JAK1: variants seen among roughly 807,000 people sequenced by gnomAD.
JAK1 encodes the protein tyrosine-protein kinase JAK1.
A neutral mutation model predicts 136.6 loss-of-function variants in JAK1; 16 were observed. The observed-to-expected ratio is 0.12, with a 90% CI of 0.08 to 0.18. The LOEUF is 0.18. Among genes scored for constraint, JAK1 ranks in the 10% least tolerant of loss-of-function variants. JAK1 has a pLI of 1.00. For missense variants in JAK1, 859 were observed against 1,450.1 expected (o/e 0.59, Z 6.62); for synonymous variants, 492 against 519.5 (o/e 0.95, Z 0.72).
Position 64,863,474 on chromosome 1 carries a change from T to C in JAK1, c.1176+1313A>G, listed in dbSNP as rs2101095059. 2.0e-5 allele frequency among the ~76,000 whole-genome samples: 3 copies of C among 152,324 alleles called. No individual in the cohort carries two copies. The South Asian group carries it at 6.2e-4, about 32-fold the overall frequency. On this transcript the variant is annotated intron_variant, in intron 8 of 24. Coordinates refer to ENST00000342505, the MANE Select transcript of JAK1 (RefSeq NM_002227.4). Reference sequence around the variant, plus strand: ...CCATTAACATCCATCTGAGCTCTTCTACTTCTCCCTCTTCACTTTGTTTTT... The same window carrying C: ...CCATTAACATCCATCTGAGCTCTTCCACTTCTCCCTCTTCACTTTGTTTTT...
chr1:64,988,920 G>T lies in JAK1; in HGVS notation c.-78+55560C>A, dbSNP rs189535241. ...ATAAAATTTAAAAATATATATATATGTATGTATGTGTATATATATATGTAT... is the reference window on the plus strand; with the variant it reads ...ATAAAATTTAAAAATATATATATATTTATGTATGTGTATATATATATGTAT... On this transcript the variant is annotated intron_variant, in intron 2 of 25. Transcript: ENST00000671954. Among the ~76,000 whole-genome samples, 402 of 144,782 alleles carry T rather than the reference G, an allele frequency of 2.8e-3. 2 individuals carry two copies. The highest frequency in any genetic ancestry group is 9.9e-3 in the African/African-American group (391 of 39,592). 95.0% of individuals were successfully genotyped at this position (144,782 alleles called of 152,430 possible).
intron 2 of JAK1, among the ~76,000 whole-genome samples, chr1:64,980,450 C>T (rs768318768): frequency 6.6e-6 from 1 of 151,892 alleles, no homozygotes; most frequent in Non-Finnish European, 1.5e-5. Flanking sequence ...CTTTTGCCCT[C>T]GCGTTCTCCA....
chr1:65,002,845 G>A (rs1488692337), intron 2 of JAK1, among the ~76,000 whole-genome samples: 2 of 152,180 alleles, frequency 1.3e-5, no homozygotes, highest in East Asian at 1.9e-4. Context: ...TCCCAGGAAA[G>A]CGCTGTGGCG....
At chr1:65,047,481 G>A (rs1647195030) in intron 1 of JAK1, among the ~76,000 whole-genome samples, 1 of 152,228 alleles carries the variant, frequency 6.6e-6, no homozygotes, top group African/African-American at 2.4e-5. Context: ...CACTTTGGGA[G>A]GCCAAGACGG....
At chr1:64,921,857 A>G (rs1279412059) in intron 1 of JAK1, among the ~76,000 whole-genome samples, 1 of 151,882 alleles carries the variant, frequency 6.6e-6, no homozygotes, top group Non-Finnish European at 1.5e-5. Flanking sequence ...CCTCCTTTCC[A>G]TTTCCAACCA....
At chr1:65,053,087 T>C (rs1647363686) in intron 1 of JAK1, among the ~76,000 whole-genome samples, 2 of 146,924 alleles carry the variant, frequency 1.4e-5, no homozygotes, top group African/African-American at 5.1e-5. Context: ...GGCTCACGCC[T>C]GTAATCCCAG....
At chr1:64,988,939 T>G (rs1646626155) in intron 2 of JAK1, among the ~76,000 whole-genome samples, 1 of 143,368 alleles carries the variant, frequency 7.0e-6, no homozygotes, top group Non-Finnish European at 1.5e-5. Flanking sequence ...TGTATATATA[T>G]ATGTATGTGT....
chr1:65,061,837 CA>C (rs1647802712), intron 1 of JAK1, among the ~76,000 whole-genome samples: 3 of 152,102 alleles, frequency 2.0e-5, no homozygotes, highest in Non-Finnish European at 1.5e-5. Flanking sequence ...TGGCAGGTTA[CA>C]GAATTTTTTT....
chr1:64,973,529 C>CT (rs1161996427), intron 2 of JAK1: 3 of 137,638 alleles, frequency 2.2e-5, no homozygotes, highest in South Asian at 4.6e-4. Flanking sequence ...GTCAAAATTG[C>CT]TTTTTTTAAA....
Position 64,873,441 on chromosome 1 carries a change from A to G in JAK1, c.412T>C (p.Tyr138His), listed in dbSNP as rs568190500. The G allele has an allele frequency of 1.6e-4, 251 of 1,614,204 alleles. 5 individuals carry two copies. The South Asian group carries it at 2.3e-3, about 15-fold the overall frequency. ...GCATCTGGAATCTTTTTTTTCTCGT[A>G]GCCATTTTTCTGCTTCTTTGGAGAA... is the stretch of plus-strand genomic sequence containing the variant. ...RHSPKKQKNG[Y>H]EKKKIPDATP... Residue 138 changes from tyrosine (Y) to histidine (H), a missense_variant, in exon 5 of 25, where the codon TAC becomes CAC. Around this residue, in one of 4 missense-constraint regions of JAK1, gnomAD observed 353 missense variants for 494.0 expected, o/e 0.71. Transcript: ENST00000342505.
At position 64,845,599 on chromosome 1, in the gene JAK1, G is replaced by T; in HGVS notation, c.2029C>A (p.Leu677Ile). 2 of 1,614,138 alleles carry T rather than the reference G, an allele frequency of 1.2e-6. No individual in the cohort carries two copies. Among genetic ancestry groups the T allele is most frequent in the Non-Finnish European group, 1.7e-6 (2 of 1,180,000 alleles). ...EEFVEGGPLD[L>I]FMHRKSDVLT... ...ACATCGCTTTTCCGGTGCATGAAGA[G>T]ATCCAGAGGACCCCCTTCCACAAAC... is the stretch of plus-strand genomic sequence containing the variant. Residue 677 changes from leucine to isoleucine, a missense_variant, in exon 15 of 25, where the codon CTC (leucine) becomes ATC (isoleucine). Physicochemically the swap from Leu to Ile is conservative, Grantham distance 5. This residue lies in a region of JAK1 where 409 missense variants were observed against 753.8 expected (regional missense o/e 0.54). Transcript: ENST00000342505.
At chr1:64,935,754 A>G (rs1307929732) in intron 1 of JAK1, among the ~76,000 whole-genome samples, 3 of 152,148 alleles carry the variant, frequency 2.0e-5, no homozygotes, top group Non-Finnish European at 4.4e-5. Flanking sequence ...ACTGCTTGCA[A>G]CGCTGACGGG....
chr1:64,968,255 G>A (rs541144479), upstream of JAK1, among the ~76,000 whole-genome samples: 11 of 152,126 alleles, frequency 7.2e-5, no homozygotes, highest in South Asian at 4.1e-4. Flanking sequence ...AGATCTGTTC[G>A]TCTATAACAG....
chr1:65,045,997 T>C (rs1210442415), intron 1 of JAK1, among the ~76,000 whole-genome samples: 1 of 152,224 alleles, frequency 6.6e-6, no homozygotes, highest in African/African-American at 2.4e-5. Flanking sequence ...TATGGTTGTT[T>C]AGAAAGTTAA....
intron 2 of JAK1, among the ~76,000 whole-genome samples, chr1:65,038,938 T>TTGTGTGTGTG (rs150814115): frequency 0.13 from 19,480 of 147,736 alleles, 1,443 homozygotes; most frequent in East Asian, 0.34. Flanking sequence ...GCACCCAGTC[T>TTGTGTGTGTG]TGTGTGTGTG....
intron 1 of JAK1, among the ~76,000 whole-genome samples, chr1:65,056,262 T>G (rs1348406223): frequency 6.6e-6 from 1 of 152,248 alleles, no homozygotes; most frequent in African/African-American, 2.4e-5. Flanking sequence ...AGAGAAATTG[T>G]GGATCTATGA....
chr1:64,881,967 C>A (rs1314484520), intron 3 of JAK1, among the ~76,000 whole-genome samples: 3 of 152,180 alleles, frequency 2.0e-5, no homozygotes, highest in African/African-American at 7.2e-5. Context: ...AACTTTAGAA[C>A]CACTGATTTA....
intron 2 of JAK1, among the ~76,000 whole-genome samples, chr1:64,999,984 G>T (rs1052526137): frequency 2.0e-5 from 3 of 147,044 alleles, no homozygotes; most frequent in African/African-American, 7.8e-5. Flanking sequence ...TTGGGGGAGA[G>T]AATCATAAGT....
intron 2 of JAK1, among the ~76,000 whole-genome samples, chr1:65,031,488 T>C (rs980143949): frequency 6.6e-6 from 1 of 152,128 alleles, no homozygotes; most frequent in Non-Finnish European, 1.5e-5. Flanking sequence ...TTAAAGAAGA[T>C]TACAGAGATG....
Sources: allele counts gnomAD v4.1 joint callset (sites outside exome capture counted in the v4.1 genomes callset), GRCh38; gene constraint gnomAD v4.1.1; regional missense constraint gnomAD v4.1.1; transcripts MANE v1.5; gene names NCBI Gene and HGNC (gene_info 2026-07-23, HGNC 2026-07-21).